LCP1: variants seen among roughly 807,000 people sequenced by gnomAD.
The protein encoded by LCP1 is plastin-2.
A neutral mutation model predicts 72.0 loss-of-function variants in LCP1; 23 were observed. The observed-to-expected ratio is 0.32, with a 90% CI of 0.23 to 0.45. The LOEUF is 0.45. LCP1 is among the 20% of genes least tolerant of loss of function. The pLI, the probability that LCP1 is intolerant of heterozygous loss-of-function variation, is 1.00. For missense variants in LCP1, 571 were observed against 748.3 expected, an observed-to-expected ratio of 0.76 and a Z score of 2.76; for synonymous variants, 245 against 275.4, an observed-to-expected ratio of 0.89 and a Z score of 1.09.
intron 14 of LCP1, among the ~76,000 whole-genome samples, chr13:46,133,278 T>C (rs1203364327): frequency 6.6e-6 from 1 of 152,220 alleles, no homozygotes; most frequent in Non-Finnish European, 1.5e-5. Flanking sequence ...AATCTTGCTT[T>C]TAAAATCATG....
intron 1 of LCP1, among the ~76,000 whole-genome samples, chr13:46,174,534 T>C (rs2138284437): frequency 6.6e-6 from 1 of 152,318 alleles, no homozygotes; most frequent in East Asian, 1.9e-4. Context: ...ACTTGGGATC[T>C]CTTCCTGATA....
At chr13:46,132,028 T>A (rs1042367483) in intron 14 of LCP1, among the ~76,000 whole-genome samples, 1 of 151,168 alleles carries the variant, frequency 6.6e-6, no homozygotes, top group East Asian at 1.9e-4. Context: ...AAAGAGTGGG[T>A]TGTGTTCATT....
chr13:46,165,414 C>G (rs767783599), intron 1 of LCP1, among the ~76,000 whole-genome samples: 2 of 151,712 alleles, frequency 1.3e-5, no homozygotes, highest in Non-Finnish European at 2.9e-5. Flanking sequence ...TTTTAATTCA[C>G]GCATATTTGA....
intron 1 of LCP1, among the ~76,000 whole-genome samples, chr13:46,178,129 A>G (rs983002696): frequency 5.9e-5 from 9 of 152,338 alleles, no homozygotes; most frequent in East Asian, 5.8e-4. Flanking sequence ...CTTGCCTTCA[A>G]ATATGAAGAG....
chr13:46,126,126 C>G lies in LCP1; in HGVS notation c.*1465G>C, dbSNP rs2045596703. 4.6e-6 allele frequency: 1 copy of G among 217,274 alleles called. No homozygotes were observed. Among genetic ancestry groups the G allele is most frequent in the Non-Finnish European group, 9.3e-6 (1 of 107,786 alleles). 13.5% of individuals were successfully genotyped at this position (217,274 alleles called of 1,614,324 possible). On this transcript the variant is annotated 3_prime_UTR_variant, in exon 16 of 16. Coordinates refer to ENST00000323076, the MANE Select transcript of LCP1 (RefSeq NM_002298.5). ...TGGGCTGGGAGGAGCCACATGTTGG[C>G]TTTCTGAGTCCACTGCCAAGGAACA...
At position 46,126,109 on chromosome 13, in the gene LCP1, G is replaced by C. The variant is rs568849685; in HGVS notation, c.*1482C>G. ...AGCAAAAATACTGGTTATGGGCTGGGAGGAGCCACATGTTGGCTTTCTGAG... is the reference window on the plus strand; with the variant it reads ...AGCAAAAATACTGGTTATGGGCTGGCAGGAGCCACATGTTGGCTTTCTGAG... On this transcript the variant is annotated 3_prime_UTR_variant, in exon 16 of 16. Coordinates refer to ENST00000323076, the MANE Select transcript of LCP1 (RefSeq NM_002298.5). 1.8e-5 allele frequency: 4 copies of C among 217,256 alleles called. No homozygotes were observed. Among genetic ancestry groups the C allele is most frequent in the South Asian group, 3.7e-4 (2 of 5,392 alleles). The allele number at this position is 217,256 out of a possible 1,614,324, so 13.5% of individuals were successfully genotyped here. A position where few individuals can be genotyped will look rare whatever the true frequency, so the allele number is the denominator to read the frequency against.
chr13:46,173,493 A>G (rs1222331967), intron 1 of LCP1, among the ~76,000 whole-genome samples: 2 of 152,242 alleles, frequency 1.3e-5, no homozygotes, highest in East Asian at 3.8e-4. Context: ...TAAAAGAACT[A>G]GAACTTTTGC....
intron 1 of LCP1, among the ~76,000 whole-genome samples, chr13:46,160,197 A>C (rs993828828): frequency 3.8e-4 from 58 of 152,194 alleles, no homozygotes; most frequent in African/African-American, 1.3e-3. Flanking sequence ...CATCAATGCC[A>C]GCAACCTGAG....
intron 1 of LCP1, among the ~76,000 whole-genome samples, chr13:46,181,873 T>C (rs1384990448): frequency 6.6e-6 from 1 of 152,196 alleles, no homozygotes; most frequent in African/African-American, 2.4e-5. Context: ...GCAGGGGTGA[T>C]AACTGCAGAT....
chr13:46,181,557 T>C (rs1008350803), intron 1 of LCP1, among the ~76,000 whole-genome samples: 5 of 152,122 alleles, frequency 3.3e-5, no homozygotes, highest in Non-Finnish European at 1.5e-5. Context: ...AGCACACCCA[T>C]TAAAAACCCT....
intron 1 of LCP1, among the ~76,000 whole-genome samples, chr13:46,168,898 T>A (rs1205860753): frequency 6.6e-6 from 1 of 152,220 alleles, no homozygotes; most frequent in Non-Finnish European, 1.5e-5. Flanking sequence ...GTAACCTGCT[T>A]TTTTAGGGCT....
intron 9 of LCP1, 132 bp downstream of exon 9, chr13:46,148,220 T>C: frequency 1.6e-6 from 1 of 637,574 alleles, no homozygotes. Flanking sequence ...CTCACAGTTT[T>C]ACCGTTTTAA....
chr13:46,159,022 A>G (rs1566442112), intron 2 of LCP1, 33 bp from the exon 3 acceptor site: 1 of 1,609,116 alleles, frequency 6.2e-7, no homozygotes, highest in African/African-American at 1.3e-5. Flanking sequence ...AAGCTTCAGG[A>G]CGATTCAGGC....
At chr13:46,161,359 A>G (rs1176126670) in intron 1 of LCP1, among the ~76,000 whole-genome samples, 1 of 152,210 alleles carries the variant, frequency 6.6e-6, no homozygotes. Flanking sequence ...TATATTTTTG[A>G]TATCAATAAA....
chr13:46,134,567 T>C (rs896184160), intron 13 of LCP1, among the ~76,000 whole-genome samples: 1 of 152,090 alleles, frequency 6.6e-6, no homozygotes, highest in Non-Finnish European at 1.5e-5. Context: ...TTCCAACCTG[T>C]GGCAATTTAA....
At position 46,152,774 on chromosome 13, in the gene LCP1, T is replaced by C; in HGVS notation, c.739+6A>G. 6.2e-7 allele frequency: 1 copy of C among 1,613,002 alleles called. No individual in the cohort carries two copies. The highest frequency in any genetic ancestry group is 8.5e-7 in the Non-Finnish European group (1 of 1,179,704). On this transcript the variant is annotated splice_donor_region_variant and intron_variant, in intron 7 of 15. Transcript: ENST00000323076. The stretch of plus-strand genomic sequence containing the variant: ...GTCATAAATGACCTTTGGGACTTGC[T>C]CTTACCTTCATTTCTGCTGAGTTCA...
At chr13:46,137,396 G>C (rs2045671481) in intron 13 of LCP1, among the ~76,000 whole-genome samples, 1 of 152,114 alleles carries the variant, frequency 6.6e-6, no homozygotes, top group African/African-American at 2.4e-5. Flanking sequence ...AATTAGCCGG[G>C]TGTGGTGGCA....
chr13:46,151,002 C>T lies in LCP1; in HGVS notation c.816G>A (p.Arg272=). The T allele has an allele frequency of 6.2e-7, 1 of 1,614,016 alleles. No individual in the cohort carries two copies. Among genetic ancestry groups the T allele is most frequent in the Non-Finnish European group, 8.5e-7 (1 of 1,179,934 alleles). ...MKLSPEELLL[R]WANYHLENAG... Reference sequence around the variant, plus strand: ...CATTTTCCAGGTGGTAATTAGCCCACCTCAGCAAGAGCTCTTCAGGGGAGA... The same window carrying T: ...CATTTTCCAGGTGGTAATTAGCCCATCTCAGCAAGAGCTCTTCAGGGGAGA... The change falls in exon 8 of 16, where the codon AGG becomes AGA. Residue 272 remains arginine, a synonymous_variant. Transcript: ENST00000323076.
Position 46,144,435 on chromosome 13 carries a change from T to C in LCP1, c.1253+7A>G. 6.2e-7 allele frequency: 1 copy of C among 1,606,932 alleles called. No homozygotes were observed. Among genetic ancestry groups the C allele is most frequent in the South Asian group, 1.1e-5 (1 of 90,896 alleles). The stretch of plus-strand genomic sequence containing the variant: ...TTACATTAGAATGAGTTCCCAAATA[T>C]TCCTACCTGTACAAATGATTGACTC... On this transcript the variant is annotated splice_region_variant and intron_variant, in intron 11 of 15. Coordinates refer to ENST00000323076, the MANE Select transcript of LCP1 (RefSeq NM_002298.5).
Sources: gnomAD v4.1 joint callset for allele counts (sites outside exome capture counted in the v4.1 genomes callset) on GRCh38, gnomAD v4.1.1 for gene constraint, MANE v1.5 for transcripts, NCBI Gene and HGNC (gene_info 2026-07-23, HGNC 2026-07-21) for gene names.